The following ZNF804B variants were observed in gnomAD, a reference collection of about 807,000 sequenced individuals.
ZNF804B encodes the protein zinc finger 804B.
A neutral mutation model predicts 101.4 loss-of-function variants in ZNF804B; 80 were observed. That is an observed-to-expected ratio of 0.79 (90% CI 0.66 to 0.95). The LOEUF (loss-of-function observed/expected upper bound fraction) is 0.95. Among genes scored for constraint, ZNF804B ranks in the 40% least tolerant of loss-of-function variants. ZNF804B has a pLI of 0.00. For synonymous variants in ZNF804B, 622 were observed against 558.8 expected (o/e 1.11, Z -1.59); for missense variants, 1,673 against 1,561.9 (o/e 1.07, Z -1.20).
At chr7:89,075,094 C>A (rs1789595549) in intron 1 of ZNF804B, among the ~76,000 whole-genome samples, 1 of 152,060 alleles carries the variant, frequency 6.6e-6, no homozygotes, top group African/African-American at 2.4e-5. Flanking sequence ...GGAAGCAGAG[C>A]CTAAAAGTTC....
intron 2 of ZNF804B, among the ~76,000 whole-genome samples, chr7:89,237,480 C>T (rs1359087057): frequency 6.6e-6 from 1 of 152,146 alleles, no homozygotes. Context: ...ATGATGAGTT[C>T]AGATGAAGCA....
intron 1 of ZNF804B, among the ~76,000 whole-genome samples, chr7:89,021,734 C>T (rs1352887984): frequency 6.6e-6 from 1 of 152,154 alleles, no homozygotes; most frequent in Non-Finnish European, 1.5e-5. Context: ...ACAACACAGC[C>T]ACCCATGTGG....
intron 1 of ZNF804B, among the ~76,000 whole-genome samples, chr7:89,181,333 GC>G (rs1033432936): frequency 1.3e-5 from 2 of 152,202 alleles, no homozygotes; most frequent in African/African-American, 4.8e-5. Context: ...GCGCACTTTA[GC>G]CCATGTTGAC....
At chr7:88,840,967 A>G (rs1791285304) in intron 1 of ZNF804B, among the ~76,000 whole-genome samples, 7 of 152,188 alleles carry the variant, frequency 4.6e-5, no homozygotes. Flanking sequence ...GGAATATAAT[A>G]TTTAATAGCA....
At chr7:88,853,338 A>C (rs1791473273) in intron 1 of ZNF804B, among the ~76,000 whole-genome samples, 1 of 152,142 alleles carries the variant, frequency 6.6e-6, no homozygotes, top group South Asian at 2.1e-4. Flanking sequence ...CAGAGTTGGC[A>C]GAAGAAATAT....
intron 2 of ZNF804B, among the ~76,000 whole-genome samples, chr7:89,254,439 G>C (rs1162024119): frequency 6.6e-6 from 1 of 150,984 alleles, no homozygotes; most frequent in Non-Finnish European, 1.5e-5. Context: ...ACAATTTTAT[G>C]GAAGGATATT....
At chr7:89,074,864 G>A (rs374022741) in intron 1 of ZNF804B, among the ~76,000 whole-genome samples, 5 of 152,202 alleles carry the variant, frequency 3.3e-5, no homozygotes, top group African/African-American at 1.2e-4. Flanking sequence ...CCAGGCTGAG[G>A]TGGTCTCAGA....
intron 1 of ZNF804B, among the ~76,000 whole-genome samples, chr7:89,024,655 A>T (rs1584080537): frequency 4.0e-5 from 3 of 75,370 alleles, no homozygotes; most frequent in Admixed American, 1.6e-4. Context: ...GAAGAGTATC[A>T]TTCTTGAAAA....
At chr7:89,218,080 C>A in intron 1 of ZNF804B, 75 bp from the exon 2 acceptor site, 2 of 1,415,058 alleles carry the variant, frequency 1.4e-6, no homozygotes, top group Non-Finnish European at 1.9e-6. Flanking sequence ...AGTTAAATAC[C>A]ACCTTGATTA....
chr7:88,769,272 A>T (rs986320444), intron 1 of ZNF804B, among the ~76,000 whole-genome samples: 1 of 152,130 alleles, frequency 6.6e-6, no homozygotes, highest in African/African-American at 2.4e-5. Flanking sequence ...TTCCATAGAG[A>T]ATTTTTTCCC....
At chr7:88,842,139 C>A (rs1791300166) in intron 1 of ZNF804B, among the ~76,000 whole-genome samples, 1 of 152,054 alleles carries the variant, frequency 6.6e-6, no homozygotes, top group African/African-American at 2.4e-5. Context: ...TTATATGGGG[C>A]AAATCAAATA....
chr7:89,252,948 T>C (rs1789564877), intron 2 of ZNF804B, among the ~76,000 whole-genome samples: 1 of 152,180 alleles, frequency 6.6e-6, no homozygotes, highest in African/African-American at 2.4e-5. Context: ...GACGGGAATC[T>C]ATCGATCCCA....
chr7:89,032,204 A>G (rs961518962), intron 1 of ZNF804B, among the ~76,000 whole-genome samples: 4 of 151,836 alleles, frequency 2.6e-5, no homozygotes, highest in Admixed American at 6.6e-5. Context: ...TGTCATAGTG[A>G]TAGGAGCATT....
chr7:89,024,616 TTA>T (rs1431687320), intron 1 of ZNF804B, among the ~76,000 whole-genome samples: 4 of 143,114 alleles, frequency 2.8e-5, no homozygotes, highest in African/African-American at 7.6e-5. Context: ...TTTTTTTTTT[TTA>T]CAAAAAGTTT....
intron 1 of ZNF804B, among the ~76,000 whole-genome samples, chr7:89,195,358 G>A (rs1400131968): frequency 6.9e-6 from 1 of 144,328 alleles, no homozygotes; most frequent in Non-Finnish European, 1.5e-5. Flanking sequence ...GCAGGAGAAG[G>A]AAATAAAGGG....
In ZNF804B at chr7:89,311,898, C is replaced by A. The variant is rs374785772; in HGVS notation, c.250-15446C>A. On this transcript the variant is annotated intron_variant, in intron 2 of 3. Transcript: ENST00000333190. ...ATGCCATGGGTAGAAATTAAATAAA[C>A]CTTGTAATTAAAACCAGATAAAAGT... Among the ~76,000 whole-genome samples, 26 of 152,216 alleles carry A rather than the reference C, an allele frequency of 1.7e-4. No homozygotes were observed. In the East Asian group the frequency reaches 2.5e-3, roughly 15 times the overall value.
chr7:89,176,567 TTTTTTTTC>T (rs1791321966), intron 1 of ZNF804B, among the ~76,000 whole-genome samples: 1 of 139,194 alleles, frequency 7.2e-6, no homozygotes, highest in Admixed American at 7.2e-5. Flanking sequence ...CTTTCTTTTC[TTTTTTTTC>T]TTTCTTTCTT....
At chr7:88,856,445 C>T (rs929718714) in intron 1 of ZNF804B, among the ~76,000 whole-genome samples, 12 of 152,088 alleles carry the variant, frequency 7.9e-5, no homozygotes, top group Non-Finnish European at 1.5e-4. Context: ...GTGATTTTTG[C>T]ACATTGATTT....
At chr7:89,061,528 G>A (rs1359494633) in intron 1 of ZNF804B, among the ~76,000 whole-genome samples, 3 of 151,984 alleles carry the variant, frequency 2.0e-5, no homozygotes, top group African/African-American at 7.3e-5. Context: ...AACAGTCCAT[G>A]CCCTCTCCTG....
Sources: gnomAD v4.1 joint callset for allele counts (sites outside exome capture counted in the v4.1 genomes callset) on GRCh38, gnomAD v4.1.1 for gene constraint, MANE v1.5 for transcripts, NCBI Gene and HGNC (gene_info 2026-07-23, HGNC 2026-07-21) for gene names.